APAF1: variants seen among roughly 807,000 people sequenced by gnomAD.
APAF1 encodes apoptotic peptidase activating factor 1.
APAF1 carries 91 observed loss-of-function variants against 152.4 expected under a neutral mutation model. That is an observed-to-expected ratio of 0.60 (90% CI 0.50 to 0.71). The LOEUF is 0.71. Among genes scored for constraint, APAF1 ranks in the 30% least tolerant of loss-of-function variants. The pLI is 0.00. For missense variants in APAF1, 1,283 were observed against 1,472.0 expected, an observed-to-expected ratio of 0.87 and a Z score of 2.10; for synonymous variants, 484 against 494.1, an observed-to-expected ratio of 0.98 and a Z score of 0.27.
At position 98,667,657 on chromosome 12, in the gene APAF1, A is replaced by T; in HGVS notation, c.1494+13A>T. ...CAAGATGCACAAGGTAAGATGACCC[A>T]TTTAAAAATTCTTTTATCTGACTTC... On this transcript the variant is annotated intron_variant, in intron 10 of 26. Coordinates refer to ENST00000551964, the MANE Select transcript of APAF1 (RefSeq NM_181861.2). The T allele has an allele frequency of 6.2e-7, 1 of 1,612,322 alleles. No homozygotes were observed. The highest frequency in any genetic ancestry group is 8.5e-7 in the Non-Finnish European group (1 of 1,179,890).
intron 26 of APAF1, 92 bp downstream of exon 26, chr12:98,727,408 T>G (rs998212234): frequency 3.9e-5 from 56 of 1,451,596 alleles, no homozygotes; most frequent in Middle Eastern, 2.2e-4. Context: ...TTGGGCCTTT[T>G]ACAACCCAGC....
chr12:98,666,038 A>G (rs980912924), intron 8 of APAF1, 152 bp from the exon 9 acceptor site: 7 of 775,024 alleles, frequency 9.0e-6, no homozygotes, highest in Non-Finnish European at 1.5e-5. Flanking sequence ...TCTCTTTTCT[A>G]TCTTGAGGAG....
intron 22 of APAF1, among the ~76,000 whole-genome samples, chr12:98,720,582 T>A (rs2097741050): frequency 6.6e-6 from 1 of 152,204 alleles, no homozygotes; most frequent in Admixed American, 6.5e-5. Flanking sequence ...TTTGGTAGTT[T>A]TTGATCCTTT....
Position 98,648,827 on chromosome 12 carries a change from T to G in APAF1, c.328+12T>G. 1 of 1,610,424 alleles carries G rather than the reference T, an allele frequency of 6.2e-7. No homozygotes were observed. The highest frequency in any genetic ancestry group is 1.1e-5 in the South Asian group (1 of 91,040). ...AATAACTTCGTATGGTTTGTATCCA[T>G]TATACCTTCTATCACTTTGCTATCA... On this transcript the variant is annotated intron_variant, in intron 3 of 26. Transcript: ENST00000551964.
chr12:98,703,814 A>C (rs2153336454), intron 18 of APAF1, among the ~76,000 whole-genome samples: 1 of 152,340 alleles, frequency 6.6e-6, no homozygotes, highest in African/African-American at 2.4e-5. Context: ...TCTCTTATCC[A>C]GTATAGATAT....
At chr12:98,725,385 C>A (rs1030534244) in intron 24 of APAF1, 30 bp from the exon 25 acceptor site, 1 of 1,613,206 alleles carries the variant, frequency 6.2e-7, no homozygotes, top group African/African-American at 1.3e-5. Flanking sequence ...GTGTTTATAG[C>A]ATTGCTAAAC....
intron 10 of APAF1, 61 bp downstream of exon 10, chr12:98,667,705 A>G (rs1417944040): frequency 1.6e-5 from 25 of 1,536,342 alleles, no homozygotes; most frequent in Non-Finnish European, 1.9e-5. Context: ...TGTATTACAA[A>G]TAAGTGCTTT....
rs1217762966 is a variant in APAF1, at chr12:98,734,905, T to TAAC, written c.*2344_*2346dup. ...AAAAGCCACTGACTGTTATAAAGTA[T>TAAC]AACAACACACATCAGGTTTTAAAAA... On this transcript the variant is annotated 3_prime_UTR_variant, in exon 27 of 27. Transcript: ENST00000551964. 4 of 325,668 alleles carry TAAC rather than the reference T, an allele frequency of 1.2e-5. No homozygotes were observed. Among genetic ancestry groups the TAAC allele is most frequent in the African/African-American group, 8.5e-5 (4 of 47,258 alleles). 20.2% of individuals were successfully genotyped at this position (325,668 alleles called of 1,614,324 possible). A position where few individuals can be genotyped will look rare whatever the true frequency, so the allele number is the denominator to read the frequency against.
At position 98,662,543 on chromosome 12, in the gene APAF1, C is replaced by A; in HGVS notation, c.798C>A (p.Asp266Glu). 6.2e-7 allele frequency: 1 copy of A among 1,613,236 alleles called. No homozygotes were observed. The highest frequency in any genetic ancestry group is 8.5e-7 in the Non-Finnish European group (1 of 1,179,534). ...GTCAGATTCTTCTTACAACCAGAGA[C>A]AAGAGTGTTACAGATTCAGTAATGG... The part of the protein sequence containing the change: ...SQCQILLTTR[D>E]KSVTDSVMGP... The change falls in exon 6 of 27, where the codon GAC becomes GAA. Residue 266 changes from aspartate to glutamate, a missense_variant. Transcript: ENST00000551964.
At chr12:98,687,199 CT>C (rs2097698910) in intron 16 of APAF1, among the ~76,000 whole-genome samples, 2 of 151,970 alleles carry the variant, frequency 1.3e-5, no homozygotes, top group African/African-American at 2.4e-5. Flanking sequence ...CCCGTCTCTA[CT>C]AAAAATACAA....
At position 98,671,087 on chromosome 12, in the gene APAF1, G is replaced by GTA. The variant is rs2097679537; in HGVS notation, c.1608+9_1608+10dup. On this transcript the variant is annotated splice_donor_variant, in intron 11 of 26. Transcript: ENST00000551964. LOFTEE classifies it high-confidence loss of function. ...ATACAGACATATACTAGATGAAAAG[G>GTA]TATATATATTAACATGAAAAATTAG... The GTA allele has an allele frequency of 3.2e-6, 5 of 1,538,564 alleles. No individual in the cohort carries two copies. Among genetic ancestry groups the GTA allele is most frequent in the Admixed American group, 1.7e-5 (1 of 59,416 alleles).
intron 22 of APAF1, among the ~76,000 whole-genome samples, chr12:98,720,513 A>C (rs1450668845): frequency 1.3e-5 from 2 of 152,280 alleles, no homozygotes; most frequent in African/African-American, 4.8e-5. Context: ...TTATTGCCAA[A>C]CTTTGAAGAA....
intron 4 of APAF1, among the ~76,000 whole-genome samples, chr12:98,652,134 G>A (rs1353542101): frequency 6.6e-6 from 1 of 151,950 alleles, no homozygotes; most frequent in Non-Finnish European, 1.5e-5. Context: ...ACATTTTTTT[G>A]TAGAGACAGG....
chr12:98,695,361 CCT>C (rs2097708724), intron 16 of APAF1, among the ~76,000 whole-genome samples: 1 of 149,224 alleles, frequency 6.7e-6, no homozygotes, highest in Non-Finnish European at 1.5e-5. Flanking sequence ...CCGCCCCCCC[CCT>C]TTTTTTTTTT....
intron 10 of APAF1, among the ~76,000 whole-genome samples, chr12:98,668,263 G>C (rs1407062742): frequency 6.6e-6 from 1 of 152,074 alleles, no homozygotes; most frequent in Non-Finnish European, 1.5e-5. Flanking sequence ...ATTAGAAAAG[G>C]TACCTTAGTA....
chr12:98,732,119 C>G (rs560252704), intron 26 of APAF1, among the ~76,000 whole-genome samples: 1 of 152,204 alleles, frequency 6.6e-6, no homozygotes, highest in South Asian at 2.1e-4. Context: ...TTGAGTCTGG[C>G]CACTGCTGTA....
Position 98,725,432 on chromosome 12 carries a change from C to T in APAF1, c.3348C>T (p.Leu1116=). The T allele has an allele frequency of 6.2e-7, 1 of 1,614,064 alleles. No individual in the cohort carries two copies. Among genetic ancestry groups the T allele is most frequent in the Non-Finnish European group, 8.5e-7 (1 of 1,179,998 alleles). The change falls in exon 25 of 27, where the codon CTC becomes CTT. Residue 1116 remains leucine (L), a synonymous_variant. Coordinates refer to ENST00000551964, the MANE Select transcript of APAF1 (RefSeq NM_181861.2). ...CCTTCCAGATCTGGAGTTTTGATCT[C>T]CTTTTGCCACTTCATGAATTGAGGG... ...DKTAKIWSFD[L]LLPLHELRGH...
chr12:98,713,041 A>T (rs147199448), intron 21 of APAF1, among the ~76,000 whole-genome samples: 38 of 151,832 alleles, frequency 2.5e-4, no homozygotes, highest in Middle Eastern at 3.4e-3. Flanking sequence ...CTGGCCTTAA[A>T]CTCTTGGGCT....
intron 1 of APAF1, among the ~76,000 whole-genome samples, chr12:98,647,736 A>G (rs1321630236): frequency 7.8e-6 from 1 of 128,304 alleles, no homozygotes; most frequent in African/African-American, 3.0e-5. Flanking sequence ...CAGCAACAGT[A>G]TTATGAACAT....
Sources: gnomAD v4.1 joint callset for allele counts (sites outside exome capture counted in the v4.1 genomes callset) on GRCh38, gnomAD v4.1.1 for gene constraint, MANE v1.5 for transcripts, NCBI Gene and HGNC (gene_info 2026-07-23, HGNC 2026-07-21) for gene names.